Variants in IRF2 observed in about 807,000 individuals in gnomAD.
IRF2 encodes the protein interferon regulatory factor 2.
IRF2 carries 15 observed loss-of-function variants against 40.6 expected under a neutral mutation model. That is an observed-to-expected ratio of 0.37 (90% CI 0.25 to 0.57). IRF2 has a LOEUF of 0.57. Among genes scored for constraint, IRF2 ranks in the 20% least tolerant of loss-of-function variants. The pLI is 0.77. For missense variants in IRF2, 317 were observed against 455.7 expected, an observed-to-expected ratio of 0.70 and a Z score of 2.77; for synonymous variants, 151 against 165.5, an observed-to-expected ratio of 0.91 and a Z score of 0.67.
chr4:184,442,973 T>C (rs1738369322), intron 1 of IRF2, among the ~76,000 whole-genome samples: 1 of 152,046 alleles, frequency 6.6e-6, no homozygotes, highest in South Asian at 2.1e-4. Context: ...TCACCCAGGC[T>C]GGAGTGCAAT....
intron 1 of IRF2, among the ~76,000 whole-genome samples, chr4:184,436,390 A>C (rs1209633001): frequency 6.6e-6 from 1 of 152,220 alleles, no homozygotes; most frequent in African/African-American, 2.4e-5. Context: ...ACGGTAAGAC[A>C]TGATCACTAC....
rs1736968283 is a variant in IRF2, at chr4:184,408,892, T to C, written c.412-617A>G. 1.3e-5 allele frequency among the ~76,000 whole-genome samples: 2 copies of C among 152,248 alleles called. No individual in the cohort carries two copies. The highest frequency in any genetic ancestry group is 2.9e-5 in the Non-Finnish European group (2 of 68,050). ...ACCATGGGCTTTACATAAATGCCCTTCAGGTGGCTGAATATCTCATCCAGC... is the reference window on the plus strand; with the variant it reads ...ACCATGGGCTTTACATAAATGCCCTCCAGGTGGCTGAATATCTCATCCAGC... On this transcript the variant is annotated intron_variant, in intron 5 of 8. Coordinates refer to ENST00000393593, the MANE Select transcript of IRF2 (RefSeq NM_002199.4). The surrounding 1 kb of genome is among the most constrained non-coding windows in gnomAD (Gnocchi z 4.9).
At chr4:184,418,365 G>T in intron 4 of IRF2, 152 bp from the exon 5 acceptor site, 1 of 921,970 alleles carries the variant, frequency 1.1e-6, no homozygotes, top group Non-Finnish European at 1.7e-6. Context: ...CACTGCCTCT[G>T]GTGAATCGAA....
chr4:184,429,205 T>G (rs1737783813), intron 1 of IRF2, 135 bp from the exon 2 acceptor site: 3 of 678,270 alleles, frequency 4.4e-6, no homozygotes, highest in Admixed American at 4.4e-5. Context: ...GGGGGGTCGG[T>G]GTACTCAGGG....
At chr4:184,397,287 G>C (rs149855530) in intron 7 of IRF2, among the ~76,000 whole-genome samples, 13 of 152,264 alleles carry the variant, frequency 8.5e-5, no homozygotes, top group Admixed American at 8.5e-4. Context: ...ACCTAGAATA[G>C]CCAAATTCAC....
chr4:184,436,271 G>A (rs990117767), intron 1 of IRF2, among the ~76,000 whole-genome samples: 2 of 152,200 alleles, frequency 1.3e-5, no homozygotes, highest in Non-Finnish European at 1.5e-5. Flanking sequence ...CACTGCGCCC[G>A]GCCATGGAAC....
Position 184,395,227 on chromosome 4 carries a change from C to T in IRF2, c.694+3688G>A, listed in dbSNP as rs187388024. Among the ~76,000 whole-genome samples, 1,410 of 151,788 alleles carry T rather than the reference C, an allele frequency of 9.3e-3. 15 individuals carry two copies. Among genetic ancestry groups the T allele is most frequent in the Non-Finnish European group, 0.015 (1,036 of 67,940 alleles). ...GAGATCGAGACCATCCTGGCTAACA[C>T]GGTGAAACCCCGTCTCTACTAAAAA... On this transcript the variant is annotated intron_variant, in intron 7 of 8. Coordinates refer to ENST00000393593, the MANE Select transcript of IRF2 (RefSeq NM_002199.4).
At chr4:184,457,883 GAAC>G (rs1451322362) in intron 1 of IRF2, among the ~76,000 whole-genome samples, 9 of 152,090 alleles carry the variant, frequency 5.9e-5, no homozygotes, top group African/African-American at 2.2e-4. Context: ...TGTATCCTCG[GAAC>G]AAAACCCTTC....
intron 1 of IRF2, among the ~76,000 whole-genome samples, chr4:184,449,384 C>T (rs1738632792): frequency 6.6e-6 from 1 of 152,200 alleles, no homozygotes; most frequent in African/African-American, 2.4e-5. Context: ...TCCATTTCAC[C>T]AGGCCAGGCC....
chr4:184,429,029 C>T lies in IRF2; in HGVS notation c.36G>A (p.Leu12=), dbSNP rs767998767. 5 of 1,614,006 alleles carry T rather than the reference C, an allele frequency of 3.1e-6. No homozygotes were observed. The African/African-American group carries it at 6.7e-5, about 22-fold the overall frequency. Residue 12 remains leucine (L), a synonymous_variant, in exon 2 of 9, where the codon CTG becomes CTA. Transcript: ENST00000393593. ...TCGTGTTGGAGTTTATCTGCTCCTC[C>T]AGCCACGGGCGCATGCGCATCCTTT... ...PVERMRMRPW[L]EEQINSNTIP...
At chr4:184,427,275 A>G (rs1276895189) in intron 2 of IRF2, among the ~76,000 whole-genome samples, 1 of 152,260 alleles carries the variant, frequency 6.6e-6, no homozygotes, top group African/African-American at 2.4e-5. Context: ...ACAGGAAATA[A>G]GCAGATGGTT....
At chr4:184,450,836 ATTTG>A (rs901321917) in intron 1 of IRF2, among the ~76,000 whole-genome samples, 13 of 152,030 alleles carry the variant, frequency 8.6e-5, no homozygotes, top group African/African-American at 2.4e-4. Flanking sequence ...GTTAAATGGC[ATTTG>A]TTTGTTTGTT....
At chr4:184,471,190 T>C (rs1374533764) in intron 1 of IRF2, among the ~76,000 whole-genome samples, 1 of 152,238 alleles carries the variant, frequency 6.6e-6, no homozygotes, top group East Asian at 1.9e-4. Context: ...ATTTATGCAA[T>C]GTTCTTTCAT....
At chr4:184,394,180 T>C (rs1273778295) in intron 7 of IRF2, among the ~76,000 whole-genome samples, 1 of 152,192 alleles carries the variant, frequency 6.6e-6, no homozygotes, top group Non-Finnish European at 1.5e-5. Context: ...TCACTTAACC[T>C]TTCTGGTCTC....
At chr4:184,400,936 CCAT>C (rs2149893786) in intron 6 of IRF2, among the ~76,000 whole-genome samples, 1 of 152,378 alleles carries the variant, frequency 6.6e-6, no homozygotes, top group East Asian at 1.9e-4. Context: ...CACTTTGCCA[CCAT>C]CATCAACGTT....
At chr4:184,418,403 G>T in intron 4 of IRF2, 129 bp downstream of exon 4, 2 of 980,364 alleles carry the variant, frequency 2.0e-6, no homozygotes, top group Admixed American at 4.0e-5. Context: ...AGGTAGGGGC[G>T]GAATGATCCC....
intron 8 of IRF2, 108 bp from the exon 9 acceptor site, chr4:184,389,174 C>G (rs1249419577): frequency 9.3e-7 from 1 of 1,070,534 alleles, no homozygotes; most frequent in Non-Finnish European, 1.4e-6. Context: ...AATCCCAGCA[C>G]TTTGGGAGGC....
chr4:184,408,667 A>G lies in IRF2; in HGVS notation c.412-392T>C, dbSNP rs1223404797. The stretch of plus-strand genomic sequence containing the variant: ...AAAGAATCAATGCCTGGCTTTCACC[A>G]GGGAGGAATCATGCTACCTCTTTCA... On this transcript the variant is annotated intron_variant, in intron 5 of 8. Coordinates refer to ENST00000393593, the MANE Select transcript of IRF2 (RefSeq NM_002199.4). The surrounding 1 kb of genome is among the most constrained non-coding windows in gnomAD (Gnocchi z 4.9). Among the ~76,000 whole-genome samples the G allele has an allele frequency of 6.6e-6, 1 of 152,254 alleles. No individual in the cohort carries two copies.
intron 1 of IRF2, among the ~76,000 whole-genome samples, chr4:184,454,655 C>T (rs369609403): frequency 6.6e-6 from 1 of 152,146 alleles, no homozygotes; most frequent in Non-Finnish European, 1.5e-5. Flanking sequence ...CTCCCAGGAC[C>T]ACAATGATTT....
Sources: gnomAD v4.1 joint callset for allele counts (sites outside exome capture counted in the v4.1 genomes callset) on GRCh38, gnomAD v4.1.1 for gene constraint, Gnocchi (gnomAD v3.1) non-coding constraint, MANE v1.5 for transcripts, NCBI Gene and HGNC (gene_info 2026-07-23, HGNC 2026-07-21) for gene names.